KMT2E: variants seen among roughly 807,000 people sequenced by gnomAD.
KMT2E encodes the protein lysine methyltransferase 2E (inactive).
Under a neutral mutation model 184.6 loss-of-function variants are expected in KMT2E, and 30 were observed. The observed-to-expected ratio is 0.16, with a 90% CI of 0.12 to 0.22. The LOEUF (loss-of-function observed/expected upper bound fraction) is 0.22. KMT2E is among the 10% of genes least tolerant of loss of function. The probability of loss-of-function intolerance (pLI) is 1.00; values close to 1 mark genes in which losing one functional copy is unlikely to be tolerated. For missense variants in KMT2E, 2,023 were observed against 2,237.4 expected, an observed-to-expected ratio of 0.90 and a Z score of 1.93; for synonymous variants, 815 against 776.5, an observed-to-expected ratio of 1.05 and a Z score of -0.82.
At chr7:105,060,121 A>G (rs548240845) in intron 3 of KMT2E, among the ~76,000 whole-genome samples, 3 of 149,378 alleles carry the variant, frequency 2.0e-5, no homozygotes, top group African/African-American at 7.4e-5. Flanking sequence ...TCAGCCCCCA[A>G]GTAGCTGGGA....
At chr7:105,032,150 A>G (rs1795449919) in intron 1 of KMT2E, among the ~76,000 whole-genome samples, 1 of 151,088 alleles carries the variant, frequency 6.6e-6, no homozygotes, top group African/African-American at 2.4e-5. Context: ...TAAGTAAGTT[A>G]AAGATAAATG....
intron 1 of KMT2E, among the ~76,000 whole-genome samples, chr7:105,036,872 T>C (rs1795682696): frequency 6.6e-6 from 1 of 152,246 alleles, no homozygotes; most frequent in Non-Finnish European, 1.5e-5. Flanking sequence ...AATTGTAAGA[T>C]CATCAGCCTA....
chr7:105,034,557 A>T (rs1795554312), intron 1 of KMT2E, among the ~76,000 whole-genome samples: 1 of 151,788 alleles, frequency 6.6e-6, no homozygotes, highest in Non-Finnish European at 1.5e-5. Flanking sequence ...ACATTGATAC[A>T]ATCTTCTCCT....
At chr7:105,059,978 GTTTTTTTTTTT>G (rs67291226) in intron 3 of KMT2E, among the ~76,000 whole-genome samples, 88 of 51,794 alleles carry the variant, frequency 1.7e-3, no homozygotes, top group Non-Finnish European at 2.4e-3. Flanking sequence ...TCTTGTTGTT[GTTTTTTTTTTT>G]TTTTTTTTTT....
At chr7:105,080,291 G>T (rs1470412553) in intron 12 of KMT2E, among the ~76,000 whole-genome samples, 2 of 152,000 alleles carry the variant, frequency 1.3e-5, no homozygotes, top group African/African-American at 4.8e-5. Flanking sequence ...ATATTTTAGT[G>T]TGGAGTAGAA....
chr7:105,097,207 C>T (rs769101120), intron 15 of KMT2E, among the ~76,000 whole-genome samples: 1 of 152,106 alleles, frequency 6.6e-6, no homozygotes, highest in Non-Finnish European at 1.5e-5. Flanking sequence ...AAGTTTGTTG[C>T]CAGAAAAGTC....
intron 3 of KMT2E, among the ~76,000 whole-genome samples, chr7:105,054,490 A>G (rs543832471): frequency 2.7e-5 from 4 of 150,572 alleles, no homozygotes; most frequent in African/African-American, 7.3e-5. Flanking sequence ...CTATCTATCT[A>G]TCTATCTATC....
chr7:105,110,796 CACA>C lies in KMT2E; in HGVS notation c.3999_4001del (p.Thr1335del), dbSNP rs759508278. 2.7e-5 allele frequency: 43 copies of C among 1,613,896 alleles called. No individual in the cohort carries two copies. Among genetic ancestry groups the C allele is most frequent in the Non-Finnish European group, 3.4e-5 (40 of 1,179,926 alleles). Reference sequence around the variant, plus strand: ...ACCCTGATCCTGAAAATCCAGAACCCACAACTACGAATGAATGTCCATCCCCAG... The same window carrying C: ...ACCCTGATCCTGAAAATCCAGAACCCACTACGAATGAATGTCCATCCCCAG... On this transcript the variant is annotated inframe_deletion, in exon 26 of 27. Coordinates refer to ENST00000311117, the MANE Select transcript of KMT2E (RefSeq NM_182931.3).
At chr7:105,106,069 A>G in intron 19 of KMT2E, 66 bp downstream of exon 19, 1 of 1,429,116 alleles carries the variant, frequency 7.0e-7, no homozygotes, top group East Asian at 2.4e-5. Flanking sequence ...GCTTTATAAC[A>G]GGCATATTTC....
intron 6 of KMT2E, among the ~76,000 whole-genome samples, chr7:105,068,639 G>GTTTTTT (rs1162488673): frequency 1.8e-5 from 2 of 111,526 alleles, no homozygotes; most frequent in Non-Finnish European, 3.4e-5. Flanking sequence ...TTTTTTTTTT[G>GTTTTTT]TTTTTTTTTT....
intron 3 of KMT2E, among the ~76,000 whole-genome samples, chr7:105,050,903 T>C (rs1411344116): frequency 6.7e-6 from 1 of 148,274 alleles, no homozygotes; most frequent in African/African-American, 2.5e-5. Flanking sequence ...ATTTTTTTAT[T>C]TTTATTCGAG....
At chr7:105,044,660 A>G (rs1203650470) in intron 3 of KMT2E, among the ~76,000 whole-genome samples, 4 of 152,152 alleles carry the variant, frequency 2.6e-5, no homozygotes, top group Admixed American at 6.5e-5. Flanking sequence ...CAGTGACCCT[A>G]TTTCCAAGAA....
intron 15 of KMT2E, among the ~76,000 whole-genome samples, chr7:105,095,071 G>A (rs1323966222): frequency 6.6e-6 from 1 of 151,802 alleles, no homozygotes; most frequent in South Asian, 2.1e-4. Context: ...AGTGCACCAG[G>A]GTATTTATGT....
Position 105,074,726 on chromosome 7 carries a change from A to G in KMT2E, c.640A>G (p.Thr214Ala). 6.2e-7 allele frequency: 1 copy of G among 1,611,682 alleles called. No individual in the cohort carries two copies. Among genetic ancestry groups the G allele is most frequent in the Non-Finnish European group, 8.5e-7 (1 of 1,178,986 alleles). ...ATTTCAGCATACTCCAACATCAATTACTTTAACTGCTTCAAGAGTTTCCAA... is the reference window on the plus strand; with the variant it reads ...ATTTCAGCATACTCCAACATCAATTGCTTTAACTGCTTCAAGAGTTTCCAA... ...TAFQHTPTSI[T>A]LTASRVSKVN... is the part of the protein sequence containing the mutation. Residue 214 changes from threonine to alanine, a missense_variant, in exon 8 of 27, where the codon ACT becomes GCT. Thr to Ala is a moderately conservative substitution (Grantham distance 58). Transcript: ENST00000311117.
chr7:105,090,849 C>T (rs1798173070), intron 14 of KMT2E, among the ~76,000 whole-genome samples: 1 of 152,100 alleles, frequency 6.6e-6, no homozygotes, highest in South Asian at 2.1e-4. Context: ...GGCCTATCTT[C>T]TAGAAATGAT....
intron 1 of KMT2E, among the ~76,000 whole-genome samples, chr7:105,023,393 ACT>A (rs767680365): frequency 9.2e-5 from 10 of 108,178 alleles, no homozygotes; most frequent in East Asian, 4.0e-4. Context: ...CAAGAGTGAG[ACT>A]CTGTCTCAAA....
chr7:105,054,458 G>GTCTGTCTGTCTA (rs1368282619), intron 3 of KMT2E, among the ~76,000 whole-genome samples: 3 of 136,544 alleles, frequency 2.2e-5, no homozygotes, highest in Admixed American at 7.1e-5. Context: ...CTGTCTGTCT[G>GTCTGTCTGTCTA]TCTATCTATC....
chr7:105,105,301 T>C, intron 17 of KMT2E, 138 bp from the exon 18 acceptor site: 2 of 549,622 alleles, frequency 3.6e-6, no homozygotes, highest in South Asian at 3.7e-5. Flanking sequence ...CATACTGATA[T>C]TTTGATCACA....
At chr7:105,056,374 A>G (rs892511721) in intron 3 of KMT2E, among the ~76,000 whole-genome samples, 4 of 152,160 alleles carry the variant, frequency 2.6e-5, no homozygotes, top group African/African-American at 9.7e-5. Context: ...ATCTGGCTCT[A>G]TCTATTACAA....
Sources: allele counts gnomAD v4.1 joint callset (sites outside exome capture counted in the v4.1 genomes callset), GRCh38; gene constraint gnomAD v4.1.1; transcripts MANE v1.5; gene names NCBI Gene and HGNC (gene_info 2026-07-23, HGNC 2026-07-21).